The following ZBTB7C variants were observed in gnomAD, a reference collection of about 807,000 sequenced individuals.
ZBTB7C encodes zinc finger and BTB domain containing 7C, also known as zinc finger and BTB domain-containing protein 7C.
In ZBTB7C, 8 loss-of-function variants were observed where a neutral mutation model predicts 25.7. The ratio of observed to expected loss-of-function variants is 0.31; its 90% CI spans 0.18 to 0.56. The LOEUF is 0.56. Among genes scored for constraint, ZBTB7C ranks in the 20% least tolerant of loss-of-function variants. The pLI is 0.91. For missense variants in ZBTB7C, 824 were observed against 855.2 expected (o/e 0.96, Z 0.46); for synonymous variants, 394 against 369.0 (o/e 1.07, Z -0.78).
rs143289195 is a variant in ZBTB7C, at chr18:48,192,965, T to TA, written c.-78-6971dup. Among the ~76,000 whole-genome samples, 7 of 151,642 alleles carry TA rather than the reference T, an allele frequency of 4.6e-5. No homozygotes were observed. The South Asian group carries it at 8.3e-4, about 18-fold the overall frequency. ...GCTCTAAATAATAAAGTTTCTTAAT[T>TA]AAAAAAAAATCAACCATTTCAAAAC... is the stretch of plus-strand genomic sequence containing the variant. On this transcript the variant is annotated intron_variant, in intron 2 of 4. Coordinates refer to ENST00000590800, the MANE Select transcript of ZBTB7C (RefSeq NM_001318841.2).
intron 1 of ZBTB7C, among the ~76,000 whole-genome samples, chr18:48,354,731 G>A (rs1183477839): frequency 4.6e-5 from 7 of 152,184 alleles, no homozygotes; most frequent in African/African-American, 9.7e-5. Flanking sequence ...CAGCCAGTTA[G>A]GCAGGGAGGA....
intron 1 of ZBTB7C, among the ~76,000 whole-genome samples, chr18:48,402,507 G>T (rs961366029): frequency 2.6e-5 from 4 of 152,170 alleles, no homozygotes; most frequent in Non-Finnish European, 4.4e-5. Context: ...CAATGTGTTG[G>T]AAGGGGGGAA....
chr18:48,257,694 G>A, intron 2 of ZBTB7C, among the ~76,000 whole-genome samples: 1 of 151,554 alleles, frequency 6.6e-6, no homozygotes, highest in East Asian at 1.9e-4. Context: ...ATTTTAAAAG[G>A]ATAAAATATC....
chr18:48,282,826 G>T (rs1415242236), intron 2 of ZBTB7C, among the ~76,000 whole-genome samples: 1 of 152,192 alleles, frequency 6.6e-6, no homozygotes, highest in Non-Finnish European at 1.5e-5. Flanking sequence ...GATGTTAAAA[G>T]TCAGGACAAT....
intron 1 of ZBTB7C, among the ~76,000 whole-genome samples, chr18:48,384,262 T>C (rs2047697088): frequency 6.6e-6 from 1 of 152,216 alleles, no homozygotes; most frequent in Non-Finnish European, 1.5e-5. Context: ...TTGTCCATTG[T>C]CTCAGTCTTC....
At chr18:48,290,479 C>T (rs1244443985) in intron 2 of ZBTB7C, among the ~76,000 whole-genome samples, 1 of 152,206 alleles carries the variant, frequency 6.6e-6, no homozygotes, top group African/African-American at 2.4e-5. Flanking sequence ...CAGGGGCAGG[C>T]GTGCCCTGCT....
At chr18:48,207,287 A>G (rs986296745) in intron 2 of ZBTB7C, among the ~76,000 whole-genome samples, 1 of 152,238 alleles carries the variant, frequency 6.6e-6, no homozygotes, top group African/African-American at 2.4e-5. Flanking sequence ...CATATACCAT[A>G]CAATCCAGCA....
intron 3 of ZBTB7C, among the ~76,000 whole-genome samples, chr18:48,114,055 C>G (rs1007578062): frequency 1.3e-5 from 2 of 152,110 alleles, no homozygotes; most frequent in Admixed American, 1.3e-4. Context: ...TGCCCTCCAC[C>G]GTGGTCATCT....
At chr18:48,300,816 C>T (rs1025811210) in intron 2 of ZBTB7C, among the ~76,000 whole-genome samples, 12 of 152,228 alleles carry the variant, frequency 7.9e-5, no homozygotes, top group Non-Finnish European at 1.3e-4. Flanking sequence ...AAGGGGACAA[C>T]GAGAAGGACA....
intron 1 of ZBTB7C, among the ~76,000 whole-genome samples, chr18:48,376,599 C>T (rs190720041): frequency 1.8e-4 from 27 of 152,352 alleles, no homozygotes; most frequent in African/African-American, 6.3e-4. Flanking sequence ...AGAGCAGCCT[C>T]CTGCCTGGGG....
intron 1 of ZBTB7C, among the ~76,000 whole-genome samples, chr18:48,339,872 T>G (rs1944572): frequency 6.6e-6 from 1 of 151,966 alleles, no homozygotes; most frequent in Non-Finnish European, 1.5e-5. Flanking sequence ...AGAAATTGGC[T>G]GCGATAAACA....
At chr18:48,072,282 C>G (rs1178908530) in intron 3 of ZBTB7C, among the ~76,000 whole-genome samples, 1 of 152,272 alleles carries the variant, frequency 6.6e-6, no homozygotes, top group East Asian at 1.9e-4. Context: ...TAAGAAGACC[C>G]CAAACGGGGA....
At chr18:48,264,554 A>C (rs1422720605) in intron 2 of ZBTB7C, among the ~76,000 whole-genome samples, 1 of 152,142 alleles carries the variant, frequency 6.6e-6, no homozygotes, top group African/African-American at 2.4e-5. Flanking sequence ...GAGAGGTGGA[A>C]ATAGCTTTCC....
intron 2 of ZBTB7C, among the ~76,000 whole-genome samples, chr18:48,196,271 T>A (rs1292571871): frequency 6.6e-6 from 1 of 151,934 alleles, no homozygotes; most frequent in Non-Finnish European, 1.5e-5. Context: ...CTTTGGGGAG[T>A]GGGCTATATC....
At chr18:48,406,636 G>C (rs117209645) in intron 1 of ZBTB7C, among the ~76,000 whole-genome samples, 1,652 of 152,306 alleles carry the variant, frequency 0.011, 19 homozygotes, top group Middle Eastern at 0.017. Flanking sequence ...GAGTAAGGGG[G>C]CACTGATTTC....
chr18:48,341,583 C>G (rs1421514641), intron 1 of ZBTB7C, among the ~76,000 whole-genome samples: 1 of 152,212 alleles, frequency 6.6e-6, no homozygotes, highest in Non-Finnish European at 1.5e-5. Flanking sequence ...GGTAGGTGCT[C>G]ATTAAACATC....
intron 1 of ZBTB7C, among the ~76,000 whole-genome samples, chr18:48,354,882 G>C (rs533963921): frequency 6.6e-6 from 1 of 152,124 alleles, no homozygotes; most frequent in Admixed American, 6.5e-5. Context: ...GCCCTCCTAC[G>C]CCCCTCAGCT....
chr18:48,155,719 T>C (rs907903964), intron 3 of ZBTB7C, among the ~76,000 whole-genome samples: 10 of 152,200 alleles, frequency 6.6e-5, no homozygotes, highest in Non-Finnish European at 1.3e-4. Context: ...GACATTTGTG[T>C]GGTGTGGTCA....
At chr18:48,175,700 T>G (rs1185024058) in intron 3 of ZBTB7C, among the ~76,000 whole-genome samples, 1 of 152,144 alleles carries the variant, frequency 6.6e-6, no homozygotes, top group Non-Finnish European at 1.5e-5. Context: ...CCAGGGCTGG[T>G]GCAGGGTAGG....
Sources: allele counts gnomAD v4.1 joint callset (sites outside exome capture counted in the v4.1 genomes callset), GRCh38; gene constraint gnomAD v4.1.1; transcripts MANE v1.5; gene names NCBI Gene and HGNC (gene_info 2026-07-23, HGNC 2026-07-21).